Variants in SYK observed in about 807,000 individuals in gnomAD.
SYK encodes the protein spleen associated tyrosine kinase.
A neutral mutation model predicts 77.8 loss-of-function variants in SYK; 16 were observed. That is an observed-to-expected ratio of 0.21 (90% confidence interval 0.14 to 0.31). The LOEUF (loss-of-function observed/expected upper bound fraction) is 0.31. Ranked by LOEUF, SYK falls within the 10% of genes least tolerant of loss-of-function variation. SYK has a pLI of 1.00. For synonymous variants in SYK, 312 were observed against 308.7 expected, an observed-to-expected ratio of 1.01 and a Z score of -0.11; for missense variants, 529 against 814.4, an observed-to-expected ratio of 0.65 and a Z score of 4.26.
At chr9:90,812,367 G>A (rs930510349) in intron 1 of SYK, among the ~76,000 whole-genome samples, 2 of 152,170 alleles carry the variant, frequency 1.3e-5, no homozygotes, top group African/African-American at 2.4e-5. Flanking sequence ...CCAATGAAGA[G>A]CGAGGCTTTG....
At chr9:90,855,666 A>ATGTGTG (rs9299433) in intron 3 of SYK, among the ~76,000 whole-genome samples, 49 of 148,978 alleles carry the variant, frequency 3.3e-4, no homozygotes, top group South Asian at 1.1e-3. Flanking sequence ...TTGAGTGAAT[A>ATGTGTG]TGTGTGTGTG....
intron 1 of SYK, among the ~76,000 whole-genome samples, chr9:90,823,006 T>A (rs1825568582): frequency 6.6e-6 from 1 of 152,180 alleles, no homozygotes; most frequent in African/African-American, 2.4e-5. Context: ...CCCCTAGGCT[T>A]TCTCCATGAC....
At chr9:90,840,719 C>A (rs904015525) in intron 1 of SYK, among the ~76,000 whole-genome samples, 2 of 152,114 alleles carry the variant, frequency 1.3e-5, no homozygotes. Context: ...AACAAAAACA[C>A]CTTGCTAAGA....
chr9:90,867,407 G>A (rs970971190), intron 7 of SYK, among the ~76,000 whole-genome samples: 5 of 152,204 alleles, frequency 3.3e-5, no homozygotes, highest in Non-Finnish European at 5.9e-5. Flanking sequence ...TCCTCAGTCC[G>A]TCAGCTGGAA....
At chr9:90,820,468 C>T (rs1004809008) in intron 1 of SYK, among the ~76,000 whole-genome samples, 3 of 152,244 alleles carry the variant, frequency 2.0e-5, no homozygotes, top group Admixed American at 6.5e-5. Flanking sequence ...GACTTCTGTG[C>T]ACTCGCAGGC....
chr9:90,892,668 T>C (rs571047788), intron 13 of SYK, among the ~76,000 whole-genome samples: 1 of 152,296 alleles, frequency 6.6e-6, no homozygotes, highest in East Asian at 1.9e-4. Context: ...CCTTCCACTG[T>C]AGTGTTTTCC....
intron 1 of SYK, among the ~76,000 whole-genome samples, chr9:90,840,860 A>G (rs560263696): frequency 1.3e-4 from 20 of 152,354 alleles, no homozygotes; most frequent in African/African-American, 4.8e-4. Flanking sequence ...GGGCTCGCCC[A>G]GGAGTACTGA....
At chr9:90,808,077 A>G (rs902684713) in intron 1 of SYK, among the ~76,000 whole-genome samples, 1 of 151,922 alleles carries the variant, frequency 6.6e-6, no homozygotes, top group African/African-American at 2.4e-5. Flanking sequence ...TTAATTTTTG[A>G]TATTATAAAC....
At chr9:90,888,274 C>G (rs1828653448) in intron 12 of SYK, among the ~76,000 whole-genome samples, 1 of 152,124 alleles carries the variant, frequency 6.6e-6, no homozygotes, top group South Asian at 2.1e-4. Context: ...GAAACATACC[C>G]ATGAAATCAG....
chr9:90,823,482 A>C (rs1197484074), intron 1 of SYK, among the ~76,000 whole-genome samples: 1 of 152,260 alleles, frequency 6.6e-6, no homozygotes, highest in Non-Finnish European at 1.5e-5. Context: ...TCACCAAGAT[A>C]GAGCACATTC....
intron 3 of SYK, among the ~76,000 whole-genome samples, chr9:90,860,512 G>A (rs1827214427): frequency 6.6e-6 from 1 of 152,174 alleles, no homozygotes; most frequent in East Asian, 1.9e-4. Flanking sequence ...TGTGAAAAGG[G>A]AGCTCACACC....
At chr9:90,812,823 C>T (rs62559062) in intron 1 of SYK, among the ~76,000 whole-genome samples, 18,083 of 150,056 alleles carry the variant, frequency 0.12, 1,173 homozygotes, top group Middle Eastern at 0.21. Flanking sequence ...TTTTCTGTTG[C>T]GAACAGTCCT....
intron 1 of SYK, among the ~76,000 whole-genome samples, chr9:90,842,255 G>A (rs553983613): frequency 6.6e-6 from 1 of 150,426 alleles, no homozygotes; most frequent in South Asian, 2.1e-4. Context: ...TGTGTGTAGT[G>A]CAGCTGTGGC....
At chr9:90,858,333 A>G (rs988048421) in intron 3 of SYK, among the ~76,000 whole-genome samples, 91 of 152,264 alleles carry the variant, frequency 6.0e-4, no homozygotes, top group African/African-American at 2.1e-3. Flanking sequence ...ACAGCTTCTC[A>G]GCATCATCTC....
intron 1 of SYK, among the ~76,000 whole-genome samples, chr9:90,835,827 C>A (rs1826057435): frequency 6.6e-6 from 1 of 152,158 alleles, no homozygotes; most frequent in African/African-American, 2.4e-5. Context: ...GCATGTTTAG[C>A]ATTTTTATTA....
At chr9:90,807,350 T>C (rs1824877374) in intron 1 of SYK, among the ~76,000 whole-genome samples, 1 of 152,252 alleles carries the variant, frequency 6.6e-6, no homozygotes, top group Non-Finnish European at 1.5e-5. Flanking sequence ...ATGTGGTGGA[T>C]ACACTGCCTC....
chr9:90,856,676 C>T (rs961708291), intron 3 of SYK, among the ~76,000 whole-genome samples: 3 of 151,804 alleles, frequency 2.0e-5, no homozygotes, highest in African/African-American at 7.3e-5. Flanking sequence ...TCCATGGTTC[C>T]GTTTTTTATT....
Position 90,895,903 on chromosome 9 carries a change from C to G in SYK, c.*303C>G. 2.6e-6 allele frequency: 1 copy of G among 389,842 alleles called. No individual in the cohort carries two copies. 24.1% of individuals were successfully genotyped at this position (389,842 alleles called of 1,614,324 possible). A position where few individuals can be genotyped will look rare whatever the true frequency, so the allele number is the denominator to read the frequency against. On this transcript the variant is annotated 3_prime_UTR_variant, in exon 14 of 14. Transcript: ENST00000375754. This position sits in a 1 kb window ranked among gnomAD's most constrained non-coding sequence, Gnocchi z 4.4. The stretch of plus-strand genomic sequence containing the variant: ...ATCTGTTTCCAAATCCCTTTCATGT[C>G]TTTCCACTTCTCTGGGTCCCGGGGT...
intron 3 of SYK, among the ~76,000 whole-genome samples, chr9:90,851,831 C>T (rs558787834): frequency 4.0e-5 from 6 of 151,734 alleles, no homozygotes; most frequent in African/African-American, 1.2e-4. Flanking sequence ...TTGAGGGGTC[C>T]GAAGCATATA....
Sources: gnomAD v4.1 joint callset for allele counts (sites outside exome capture counted in the v4.1 genomes callset) on GRCh38, gnomAD v4.1.1 for gene constraint, Gnocchi (gnomAD v3.1) non-coding constraint, MANE v1.5 for transcripts, NCBI Gene and HGNC (gene_info 2026-07-23, HGNC 2026-07-21) for gene names.